The following KHDRBS2 variants were observed in gnomAD, a reference collection of about 807,000 sequenced individuals.
The protein encoded by KHDRBS2 is KH domain-containing, RNA-binding, signal transduction-associated protein 2.
A neutral mutation model predicts 44.3 loss-of-function variants in KHDRBS2; 26 were observed. The ratio of observed to expected loss-of-function variants is 0.59; its 90% CI spans 0.43 to 0.81. KHDRBS2 has a LOEUF of 0.81. KHDRBS2 is among the 40% of genes least tolerant of loss of function. The probability of loss-of-function intolerance (pLI) is 0.00; values close to 1 mark genes in which losing one functional copy is unlikely to be tolerated. For synonymous variants in KHDRBS2, 194 were observed against 151.1 expected, an observed-to-expected ratio of 1.28 and a Z score of -2.08; for missense variants, 476 against 433.1, an observed-to-expected ratio of 1.10 and a Z score of -0.88.
At chr6:61,834,661 G>A (rs1229489132) in intron 6 of KHDRBS2, among the ~76,000 whole-genome samples, 1 of 151,966 alleles carries the variant, frequency 6.6e-6, no homozygotes, top group Non-Finnish European at 1.5e-5. Flanking sequence ...TACCTTCTCT[G>A]GGTTGTTTGT....
At chr6:61,654,541 A>G in the KHDRBS2 span, among the ~76,000 whole-genome samples, 2 of 151,732 alleles carry the variant, frequency 1.3e-5, no homozygotes, top group African/African-American at 2.4e-5. Context: ...ACAGGGTTCA[A>G]TTAGGAAAAT....
downstream of KHDRBS2, among the ~76,000 whole-genome samples, chr6:61,677,680 CT>C (rs1766022191): frequency 6.6e-6 from 1 of 151,886 alleles, no homozygotes; most frequent in Non-Finnish European, 1.5e-5. Context: ...CAACACAGCA[CT>C]TAGTGACAAC....
intron 1 of KHDRBS2, among the ~76,000 whole-genome samples, chr6:62,221,580 T>A (rs1830903008): frequency 6.6e-6 from 1 of 151,866 alleles, no homozygotes; most frequent in Admixed American, 6.6e-5. Flanking sequence ...CAAAAAAAAA[T>A]TTAAAAAGAA....
chr6:62,033,970 A>G (rs1784801709), intron 3 of KHDRBS2, among the ~76,000 whole-genome samples: 1 of 151,758 alleles, frequency 6.6e-6, no homozygotes, highest in Admixed American at 6.6e-5. Flanking sequence ...AAAATCAGAG[A>G]TGAAAAAGGA....
intron 6 of KHDRBS2, among the ~76,000 whole-genome samples, chr6:61,782,181 G>T (rs1389448119): frequency 1.3e-5 from 2 of 152,036 alleles, no homozygotes; most frequent in Non-Finnish European, 2.9e-5. Flanking sequence ...TCCTTTATTT[G>T]TTTTTCTTTT....
intron 2 of KHDRBS2, among the ~76,000 whole-genome samples, chr6:62,156,886 C>T (rs1442941533): frequency 1.0e-4 from 15 of 145,444 alleles, no homozygotes; most frequent in African/African-American, 3.5e-4. Context: ...GGGGTTTCAC[C>T]GTGTTAGCCA....
intron 6 of KHDRBS2, among the ~76,000 whole-genome samples, chr6:61,744,079 G>A (rs4710264): frequency 0.16 from 24,898 of 151,824 alleles, 2,535 homozygotes; most frequent in East Asian, 0.29. Flanking sequence ...GAATAGTGCC[G>A]CTATAAGCAG....
chr6:62,169,441 C>A (rs549245418), intron 2 of KHDRBS2, among the ~76,000 whole-genome samples: 2 of 151,994 alleles, frequency 1.3e-5, no homozygotes, highest in African/African-American at 4.8e-5. Flanking sequence ...AAGCAAGAAG[C>A]TCATGTGTAC....
chr6:61,840,060 T>A (rs867157315), intron 6 of KHDRBS2, among the ~76,000 whole-genome samples: 4 of 152,106 alleles, frequency 2.6e-5, no homozygotes, highest in Non-Finnish European at 5.9e-5. Context: ...TCTTCAATTA[T>A]TACTAGAACA....
At position 62,285,783 on chromosome 6, in the gene KHDRBS2, C is replaced by T. The variant is rs1229666361; in HGVS notation, c.91+75G>A. ...GGCGGGGAGAGGAGTCCCTCCCCAA[C>T]TTCACTCCCCTAATCAAGCCGCGGG... is the stretch of plus-strand genomic sequence containing the variant. On this transcript the variant is annotated intron_variant, in intron 1 of 8. Coordinates refer to ENST00000281156, the MANE Select transcript of KHDRBS2 (RefSeq NM_152688.4). The T allele has an allele frequency of 5.0e-6, 5 of 1,009,942 alleles. No individual in the cohort carries two copies. The Admixed American group carries it at 7.7e-5, about 16-fold the overall frequency. 62.6% of individuals were successfully genotyped at this position (1,009,942 alleles called of 1,614,324 possible).
intron 2 of KHDRBS2, among the ~76,000 whole-genome samples, chr6:62,062,759 G>A (rs1250222434): frequency 1.4e-5 from 2 of 145,962 alleles, no homozygotes; most frequent in East Asian, 2.1e-4. Flanking sequence ...GCTGGCAGAA[G>A]GCAAGAAATA....
intron 1 of KHDRBS2, among the ~76,000 whole-genome samples, chr6:62,269,454 T>C (rs1487367587): frequency 2.6e-5 from 4 of 151,960 alleles, no homozygotes; most frequent in Admixed American, 2.6e-4. Context: ...AGAATACATA[T>C]AAATGAGCCC....
intron 8 of KHDRBS2, among the ~76,000 whole-genome samples, chr6:61,694,825 C>T (rs193196087): frequency 6.6e-6 from 1 of 152,066 alleles, no homozygotes; most frequent in Non-Finnish European, 1.5e-5. Context: ...ATCAACTGAG[C>T]CAGAACTGTG....
At chr6:62,131,364 T>C (rs943788388) in intron 2 of KHDRBS2, among the ~76,000 whole-genome samples, 1 of 152,180 alleles carries the variant, frequency 6.6e-6, no homozygotes, top group African/African-American at 2.4e-5. Context: ...CCACTGAACT[T>C]GCAATAATTT....
chr6:61,811,383 G>A (rs1788090007), intron 6 of KHDRBS2, among the ~76,000 whole-genome samples: 1 of 152,030 alleles, frequency 6.6e-6, no homozygotes, highest in African/African-American at 2.4e-5. Context: ...CCATGTCTTT[G>A]CTATTGTGAA....
intron 6 of KHDRBS2, among the ~76,000 whole-genome samples, chr6:61,882,787 T>C (rs1800387593): frequency 6.6e-6 from 1 of 152,000 alleles, no homozygotes; most frequent in South Asian, 2.1e-4. Flanking sequence ...GCCCAAAATG[T>C]GGAAAAGATC....
At chr6:62,115,195 A>T (rs945517543) in intron 2 of KHDRBS2, among the ~76,000 whole-genome samples, 9 of 152,152 alleles carry the variant, frequency 5.9e-5, no homozygotes, top group Non-Finnish European at 1.2e-4. Context: ...TTTTACCCCA[A>T]AAGAGAACTG....
chr6:62,246,137 A>T (rs964652585), intron 1 of KHDRBS2, among the ~76,000 whole-genome samples: 1 of 109,406 alleles, frequency 9.1e-6, no homozygotes, highest in Admixed American at 1.0e-4. Flanking sequence ...TATATATATA[A>T]TCAATGTTAA....
intron 2 of KHDRBS2, among the ~76,000 whole-genome samples, chr6:62,060,039 C>T (rs1472903499): frequency 2.0e-5 from 3 of 151,736 alleles, no homozygotes. Flanking sequence ...ATTTCTCTAG[C>T]TTTAAGCTAA....
Sources: allele counts gnomAD v4.1 joint callset (sites outside exome capture counted in the v4.1 genomes callset), GRCh38; gene constraint gnomAD v4.1.1; transcripts MANE v1.5; gene names NCBI Gene and HGNC (gene_info 2026-07-23, HGNC 2026-07-21).